FANCM: variants seen among roughly 807,000 people sequenced by gnomAD.
FANCM encodes the protein FA complementation group M, also known as Fanconi anemia group M protein.
In FANCM, 140 loss-of-function variants were observed where a neutral mutation model predicts 199.5. The ratio of observed to expected loss-of-function variants is 0.70; its 90% confidence interval spans 0.61 to 0.81. FANCM has a LOEUF of 0.81. FANCM is among the 30% of genes least tolerant of loss of function. The pLI is 0.00. For synonymous variants in FANCM, 840 were observed against 836.8 expected (o/e 1.00, Z -0.07); for missense variants, 2,410 against 2,421.4 (o/e 1.00, Z 0.10).
rs558751467 is a variant in FANCM, at chr14:45,168,007, A to T, written c.2002+844A>T. Among the ~76,000 whole-genome samples, 6 of 152,182 alleles carry T rather than the reference A, an allele frequency of 3.9e-5. No individual in the cohort carries two copies. The South Asian group carries it at 1.2e-3, about 32-fold the overall frequency. On this transcript the variant is annotated intron_variant, in intron 11 of 22. Coordinates refer to ENST00000267430, the MANE Select transcript of FANCM (RefSeq NM_020937.4). ...TACGCTGAAAAATCTGTGTCTTTGT[A>T]CCTTTTTCTCATTGATCTGGTTTCT...
intron 17 of FANCM, 82 bp from the exon 18 acceptor site, chr14:45,185,135 A>G (rs1386732871): frequency 1.0e-6 from 1 of 956,732 alleles, no homozygotes; most frequent in East Asian, 2.6e-5. Context: ...ATAAGAAATC[A>G]GTTTTCCAGA....
intron 11 of FANCM, among the ~76,000 whole-genome samples, chr14:45,168,570 A>G (rs1160435937): frequency 6.6e-6 from 1 of 150,992 alleles, no homozygotes; most frequent in African/African-American, 2.4e-5. Flanking sequence ...TCATTTTTCT[A>G]TACTTGTTTC....
At position 45,137,068 on chromosome 14, in the gene FANCM, G is replaced by T; in HGVS notation, c.509-1G>T. On this transcript the variant is annotated splice_acceptor_variant, in intron 1 of 22. Coordinates refer to ENST00000267430, the MANE Select transcript of FANCM (RefSeq NM_020937.4). LOFTEE classifies it high-confidence loss of function. The stretch of plus-strand genomic sequence containing the variant: ...ATGTAGAATGTCACTTTTATTTTCA[G>T]GGTCTACACAAGCTTCCACCAGGAA... 1 of 1,608,170 alleles carries T rather than the reference G, an allele frequency of 6.2e-7. No homozygotes were observed. The highest frequency in any genetic ancestry group is 8.5e-7 in the Non-Finnish European group (1 of 1,175,222).
chr14:45,160,367 G>A (rs1332306596), intron 9 of FANCM, among the ~76,000 whole-genome samples: 1 of 150,060 alleles, frequency 6.7e-6, no homozygotes, highest in Non-Finnish European at 1.5e-5. Flanking sequence ...CTGTCGCCCA[G>A]GGTGGAGTAC....
Position 45,189,361 on chromosome 14 carries a change from A to G in FANCM, c.5339A>G (p.Lys1780Arg). 6.2e-7 allele frequency: 1 copy of G among 1,603,808 alleles called. No homozygotes were observed. Reference protein sequence around the residue: ...KDCRKFPVPQKDGSALEDSST... With the variant: ...KDCRKFPVPQRDGSALEDSST... Reference sequence around the variant, plus strand: ...TGTAGAAAATTTCCAGTTCCACAGAAGGTATGGATCAAAGAAAGGAAAAAT... The same window carrying G: ...TGTAGAAAATTTCCAGTTCCACAGAGGGTATGGATCAAAGAAAGGAAAAAT... Residue 1780 changes from lysine to arginine, a missense_variant and splice_region_variant, in exon 20 of 23, where the codon AAG (lysine) becomes AGG (arginine). Coordinates refer to ENST00000267430, the MANE Select transcript of FANCM (RefSeq NM_020937.4).
chr14:45,143,469 C>G (rs968500695), intron 3 of FANCM, among the ~76,000 whole-genome samples: 1 of 151,952 alleles, frequency 6.6e-6, no homozygotes, highest in Admixed American at 6.6e-5. Flanking sequence ...GCATGAGCCA[C>G]CATACCTTGC....
Position 45,151,450 on chromosome 14 carries a change from G to C in FANCM, c.972G>C (p.Arg324Ser), listed in dbSNP as rs1886810472. 3 of 1,612,532 alleles carry C rather than the reference G, an allele frequency of 1.9e-6. No individual in the cohort carries two copies. The highest frequency in any genetic ancestry group is 2.2e-5 in the East Asian group (1 of 44,840). ...TTCAGAGGAATGTTTTGATGAGAAGGGATATCCCAAATCTAACAAAATATC... is the reference window on the plus strand; with the variant it reads ...TTCAGAGGAATGTTTTGATGAGAAGCGATATCCCAAATCTAACAAAATATC... ...SLIQRNVLMR[R>S]DIPNLTKYQI... Residue 324 changes from arginine (R) to serine (S), a missense_variant, in exon 5 of 23, where the codon AGG (arginine) becomes AGC (serine). By Grantham distance (110) the Arg-to-Ser change is moderately radical. Coordinates refer to ENST00000267430, the MANE Select transcript of FANCM (RefSeq NM_020937.4).
chr14:45,189,921 T>C (rs1022379088), intron 20 of FANCM, among the ~76,000 whole-genome samples: 2 of 148,980 alleles, frequency 1.3e-5, no homozygotes, highest in African/African-American at 5.0e-5. Context: ...TCAGCCGAGA[T>C]CATGCCATTG....
At chr14:45,157,992 T>C (rs941391176) in intron 8 of FANCM, among the ~76,000 whole-genome samples, 2 of 151,704 alleles carry the variant, frequency 1.3e-5, no homozygotes, top group Non-Finnish European at 2.9e-5. Context: ...AGCCCAGGAG[T>C]TCGAGACCAG....
chr14:45,148,793 T>C (rs747096425), intron 3 of FANCM, 44 bp from the exon 4 acceptor site: 1 of 1,449,110 alleles, frequency 6.9e-7, no homozygotes, highest in Non-Finnish European at 9.6e-7. Context: ...AACTAAAAAA[T>C]TTTAACATGT....
At chr14:45,182,842 C>A (rs532451770) in intron 16 of FANCM, among the ~76,000 whole-genome samples, 3 of 152,238 alleles carry the variant, frequency 2.0e-5, no homozygotes, top group African/African-American at 7.2e-5. Flanking sequence ...CTTAGCCTAG[C>A]CTACCTTAAA....
chr14:45,143,637 C>A (rs1278280852), intron 3 of FANCM, among the ~76,000 whole-genome samples: 1 of 151,242 alleles, frequency 6.6e-6, no homozygotes, highest in African/African-American at 2.4e-5. Context: ...TGAGACCTGT[C>A]CTATAATATT....
At chr14:45,149,285 GCACA>G (rs147489712) in intron 4 of FANCM, among the ~76,000 whole-genome samples, 159 of 148,058 alleles carry the variant, frequency 1.1e-3, no homozygotes, top group African/African-American at 3.5e-3. Flanking sequence ...TATAGAACAT[GCACA>G]CACACACACA....
In FANCM at chr14:45,196,326, A is replaced by G; in HGVS notation, c.5495A>G (p.Glu1832Gly). ...VGGHEITSGL[E>G]VISSLRAIHG... is the part of the protein sequence containing the mutation. ...GGTCATGAAATCACTTCTGGATTAGAAGTAATTTCTTCCCTAAGAGCAATT... is the reference window on the plus strand; with the variant it reads ...GGTCATGAAATCACTTCTGGATTAGGAGTAATTTCTTCCCTAAGAGCAATT... The change falls in exon 21 of 23, where the codon GAA becomes GGA. Residue 1832 changes from glutamate (E) to glycine (G), a missense_variant. By Grantham distance (98) the Glu-to-Gly change is moderately conservative. Coordinates refer to ENST00000267430, the MANE Select transcript of FANCM (RefSeq NM_020937.4). The G allele has an allele frequency of 6.2e-7, 1 of 1,614,132 alleles. No homozygotes were observed. Among genetic ancestry groups the G allele is most frequent in the South Asian group, 1.1e-5 (1 of 91,074 alleles).
intron 18 of FANCM, among the ~76,000 whole-genome samples, chr14:45,187,083 A>G (rs888902883): frequency 1.3e-5 from 2 of 152,178 alleles, no homozygotes; most frequent in African/African-American, 4.8e-5. Context: ...GGCTTGAGCA[A>G]CAAGAAGGAC....
intron 8 of FANCM, among the ~76,000 whole-genome samples, chr14:45,158,266 A>G (rs1887338993): frequency 6.6e-6 from 1 of 152,176 alleles, no homozygotes; most frequent in Non-Finnish European, 1.5e-5. Flanking sequence ...ATATGTGCAA[A>G]ACTATATACT....
intron 16 of FANCM, among the ~76,000 whole-genome samples, chr14:45,182,153 C>G (rs1264248945): frequency 1.3e-5 from 2 of 152,054 alleles, no homozygotes; most frequent in Admixed American, 1.3e-4. Flanking sequence ...ACCTCGATCT[C>G]GGGAGTTCTG....
chr14:45,189,174 G>T lies in FANCM; in HGVS notation c.5152G>T (p.Val1718Leu). 1.2e-6 allele frequency: 2 copies of T among 1,614,146 alleles called. No individual in the cohort carries two copies. Reference sequence around the variant, plus strand: ...TTCTGGATCTTCTGCGCAGTCCAAGGTGCGTTCTACTCCAAGAGTTAATCC... The same window carrying T: ...TTCTGGATCTTCTGCGCAGTCCAAGTTGCGTTCTACTCCAAGAGTTAATCC... ...VPSGSSAQSK[V>L]RSTPRVNPLA... The change falls in exon 20 of 23, where the codon GTG becomes TTG. Residue 1718 changes from valine (V) to leucine (L), a missense_variant. Physicochemically the swap from Val to Leu is conservative, Grantham distance 32. Transcript: ENST00000267430.
rs1566732013 is a variant in FANCM, at chr14:45,148,804, AG to A, written c.760-32del. 4.0e-6 allele frequency: 6 copies of A among 1,513,258 alleles called. No homozygotes were observed. In the Admixed American group the frequency reaches 5.1e-5, roughly 13 times the overall value. The allele number at this position is 1,513,258 out of a possible 1,614,324, so 93.7% of individuals were successfully genotyped here. ...CTTAAACTAAAAAATTTTAACATGTAGTTTATAATCATACTTAATTGATTTC... is the reference window on the plus strand; with the variant it reads ...CTTAAACTAAAAAATTTTAACATGTATTTATAATCATACTTAATTGATTTC... On this transcript the variant is annotated intron_variant, in intron 3 of 22. Coordinates refer to ENST00000267430, the MANE Select transcript of FANCM (RefSeq NM_020937.4).
Sources: gnomAD v4.1 joint callset for allele counts (sites outside exome capture counted in the v4.1 genomes callset) on GRCh38, gnomAD v4.1.1 for gene constraint, MANE v1.5 for transcripts, NCBI Gene and HGNC (gene_info 2026-07-23, HGNC 2026-07-21) for gene names.